Variants in ALDH18A1 observed in about 807,000 individuals in gnomAD.
ALDH18A1 encodes the protein aldehyde dehydrogenase 18 family member A1, also known as delta-1-pyrroline-5-carboxylate synthase.
In ALDH18A1, 44 loss-of-function variants were observed where a neutral mutation model predicts 88.8. That is an observed-to-expected ratio of 0.50 (90% CI 0.39 to 0.64). ALDH18A1 has a LOEUF of 0.64. ALDH18A1 is among the 30% of genes least tolerant of loss of function. The pLI is 0.00. For missense variants in ALDH18A1, 782 were observed against 1,009.5 expected (o/e 0.77, Z 3.05); for synonymous variants, 331 against 372.1 (o/e 0.89, Z 1.27).
At chr10:95,627,296 A>C in intron 9 of ALDH18A1, 146 bp downstream of exon 9, 1 of 1,104,952 alleles carries the variant, frequency 9.1e-7, no homozygotes, top group Non-Finnish European at 1.3e-6. Flanking sequence ...AATTTCACAA[A>C]AGCAAAGCAA....
At chr10:95,648,383 T>C (rs1589569755) in intron 2 of ALDH18A1, among the ~76,000 whole-genome samples, 1 of 152,018 alleles carries the variant, frequency 6.6e-6, no homozygotes, top group Non-Finnish European at 1.5e-5. Context: ...TTCTCATGAA[T>C]TAAGCCTCAT....
intron 7 of ALDH18A1, among the ~76,000 whole-genome samples, chr10:95,631,761 A>C (rs992589637): frequency 2.6e-5 from 4 of 151,598 alleles, no homozygotes; most frequent in Non-Finnish European, 4.4e-5. Flanking sequence ...AAAAAAAAAA[A>C]AAAACAACTG....
intron 17 of ALDH18A1, among the ~76,000 whole-genome samples, chr10:95,609,767 C>CTCTTTTT (rs1193875091): frequency 6.5e-5 from 2 of 30,698 alleles, no homozygotes; most frequent in Non-Finnish European, 8.8e-5. Context: ...AAGTCTGTCT[C>CTCTTTTT]TATTTTTTTT....
chr10:95,649,473 GC>G (rs2097906629), intron 2 of ALDH18A1, among the ~76,000 whole-genome samples: 2 of 149,406 alleles, frequency 1.3e-5, no homozygotes, highest in South Asian at 4.2e-4. Context: ...TCCTGCCTCA[GC>G]CTCCCAAGCA....
At chr10:95,628,558 G>A in intron 7 of ALDH18A1, 66 bp from the exon 8 acceptor site, 1 of 1,583,246 alleles carries the variant, frequency 6.3e-7, no homozygotes, top group Non-Finnish European at 8.6e-7. Flanking sequence ...GGCCTCCCCA[G>A]GGCACCTGCC....
rs1207902139 is a variant in ALDH18A1 at position 95,637,146 on chromosome 10, G to A, written c.505C>T (p.Leu169=). The stretch of plus-strand genomic sequence containing the variant: ...AACATAGCCTCATACAAGGCCATCA[G>A]CCCACTCTGTCCGGCAGCTGCACAG... ...RACAAAGQSG[L]MALYEAMFTQ... is the part of the protein sequence containing the mutation. The change falls in exon 5 of 18, where the codon CTG becomes TTG. Residue 169 remains leucine (L), a synonymous_variant. Transcript: ENST00000371224. 6.2e-7 allele frequency: 1 copy of A among 1,614,052 alleles called. No individual in the cohort carries two copies. Among genetic ancestry groups the A allele is most frequent in the Non-Finnish European group, 8.5e-7 (1 of 1,180,044 alleles).
At chr10:95,655,751 CTG>C (rs1173076284) in intron 1 of ALDH18A1, among the ~76,000 whole-genome samples, 1 of 151,904 alleles carries the variant, frequency 6.6e-6, no homozygotes, top group Non-Finnish European at 1.5e-5. Flanking sequence ...TGTCTCGACT[CTG>C]TGTGTGTGTT....
intron 12 of ALDH18A1, among the ~76,000 whole-genome samples, chr10:95,618,269 G>A (rs116865608): frequency 0.034 from 5,114 of 152,144 alleles, 116 homozygotes; most frequent in Non-Finnish European, 0.049. Flanking sequence ...GAACTTTAAC[G>A]CATGCTTTCT....
At chr10:95,641,554 C>T (rs2097891653) in intron 3 of ALDH18A1, among the ~76,000 whole-genome samples, 1 of 150,720 alleles carries the variant, frequency 6.6e-6, no homozygotes, top group African/African-American at 2.4e-5. Context: ...TGCTCTGTTG[C>T]CCAGGTTGTA....
At chr10:95,616,736 G>T in intron 12 of ALDH18A1, 122 bp from the exon 13 acceptor site, 2 of 1,300,844 alleles carry the variant, frequency 1.5e-6, no homozygotes, top group Non-Finnish European at 1.1e-6. Flanking sequence ...GAAGGCCTAT[G>T]CTGTTTCATC....
intron 1 of ALDH18A1, among the ~76,000 whole-genome samples, chr10:95,654,405 C>T (rs1477933633): frequency 1.3e-5 from 2 of 152,046 alleles, no homozygotes; most frequent in African/African-American, 4.8e-5. Context: ...CCTTGTGATC[C>T]ACCCACCTCG....
intron 3 of ALDH18A1, among the ~76,000 whole-genome samples, chr10:95,638,655 C>CACCAGGGGCACATGT (rs1408869875): frequency 6.6e-6 from 1 of 152,104 alleles, no homozygotes; most frequent in East Asian, 1.9e-4. Context: ...CCTCTGCCTA[C>CACCAGGGGCACATGT]ACCAGGGGCA....
intron 2 of ALDH18A1, among the ~76,000 whole-genome samples, chr10:95,646,649 T>C (rs7893577): frequency 0.011 from 1,708 of 152,230 alleles, 41 homozygotes; most frequent in African/African-American, 0.039. Flanking sequence ...AGGGTCCATA[T>C]TGAAAACTGA....
At chr10:95,644,386 G>C (rs750873272) in intron 2 of ALDH18A1, among the ~76,000 whole-genome samples, 1 of 152,088 alleles carries the variant, frequency 6.6e-6, no homozygotes, top group East Asian at 1.9e-4. Context: ...TCTTTTTCTT[G>C]TAACACTGTA....
In ALDH18A1 at chr10:95,623,564, C is replaced by T. The variant is rs569617487; in HGVS notation, c.1246+1798G>A. Among the ~76,000 whole-genome samples the T allele has an allele frequency of 2.0e-4, 30 of 151,564 alleles. No homozygotes were observed. In the South Asian group the frequency reaches 4.8e-3, roughly 24 times the overall value. On this transcript the variant is annotated intron_variant, in intron 11 of 17. Coordinates refer to ENST00000371224, the MANE Select transcript of ALDH18A1 (RefSeq NM_002860.4). ...CTGGGATTACAAATGTGAGCTACCA[C>T]GGCCGGCTTTTTTTTTTTGAGATGG...
At chr10:95,647,007 T>C (rs1371215912) in intron 2 of ALDH18A1, among the ~76,000 whole-genome samples, 1 of 152,218 alleles carries the variant, frequency 6.6e-6, no homozygotes, top group Non-Finnish European at 1.5e-5. Flanking sequence ...TGGCCTTCCA[T>C]TGCCTTCTCT....
chr10:95,643,246 C>T (rs368210529), intron 2 of ALDH18A1, 40 bp from the exon 3 acceptor site: 9 of 1,594,642 alleles, frequency 5.6e-6, no homozygotes, highest in Non-Finnish European at 8.6e-7. Flanking sequence ...AAAAGAAATA[C>T]TCAATATAGT....
intron 5 of ALDH18A1, among the ~76,000 whole-genome samples, chr10:95,635,204 A>C (rs2097878298): frequency 2.0e-5 from 3 of 152,152 alleles, no homozygotes; most frequent in Admixed American, 2.0e-4. Flanking sequence ...TTTTCAGAAA[A>C]GCTTAGTGCT....
chr10:95,644,771 T>TAA (rs1218853044), intron 2 of ALDH18A1, among the ~76,000 whole-genome samples: 2 of 152,212 alleles, frequency 1.3e-5, no homozygotes, highest in Non-Finnish European at 2.9e-5. Flanking sequence ...TCTAGGAACT[T>TAA]AAAAGAGACA....
Sources: gnomAD v4.1 joint callset for allele counts (sites outside exome capture counted in the v4.1 genomes callset) on GRCh38, gnomAD v4.1.1 for gene constraint, MANE v1.5 for transcripts, NCBI Gene and HGNC (gene_info 2026-07-23, HGNC 2026-07-21) for gene names.